The following TESK2 variants were observed in gnomAD, a reference collection of about 807,000 sequenced individuals.
The protein encoded by TESK2 is dual specificity testis-specific protein kinase 2.
A neutral mutation model predicts 57.1 loss-of-function variants in TESK2; 39 were observed. The ratio of observed to expected loss-of-function variants is 0.68; its 90% CI spans 0.53 to 0.89. The LOEUF (loss-of-function observed/expected upper bound fraction) is 0.89, where lower values mean the gene tolerates loss of function less well. Among genes scored for constraint, TESK2 ranks in the 40% least tolerant of loss-of-function variants. TESK2 has a pLI of 0.00. For synonymous variants in TESK2, 249 were observed against 267.9 expected (o/e 0.93, Z 0.69); for missense variants, 646 against 732.1 (o/e 0.88, Z 1.36).
chr1:45,440,324 G>A (rs761987357), intron 2 of TESK2, among the ~76,000 whole-genome samples: 1 of 152,080 alleles, frequency 6.6e-6, no homozygotes, highest in Non-Finnish European at 1.5e-5. Context: ...ACAAAGGAGG[G>A]AATGATCAAT....
intron 3 of TESK2, among the ~76,000 whole-genome samples, chr1:45,417,937 T>C (rs1650314112): frequency 6.6e-6 from 1 of 152,186 alleles, no homozygotes; most frequent in African/African-American, 2.4e-5. Context: ...TACTATACCA[T>C]TTTATTATAT....
chr1:45,345,086 C>T lies in TESK2; in HGVS notation c.1470G>A (p.Lys490=), dbSNP rs1384987846. The part of the protein sequence containing the change: ...DGPPPRLSSL[K]YRVKEIPPFR... Reference sequence around the variant, plus strand: ...ATGGTGGGATCTCTTTAACTCTGTACTTGAGACTACTTAGGCGTGGTGGGG... The same window carrying T: ...ATGGTGGGATCTCTTTAACTCTGTATTTGAGACTACTTAGGCGTGGTGGGG... Residue 490 remains lysine (K), a synonymous_variant, in exon 11 of 11, where the codon AAG becomes AAA. Transcript: ENST00000372086. 11 of 1,614,064 alleles carry T rather than the reference C, an allele frequency of 6.8e-6. No individual in the cohort carries two copies. The highest frequency in any genetic ancestry group is 1.1e-5 in the South Asian group (1 of 91,092).
chr1:45,390,906 C>G (rs1366466288), intron 3 of TESK2, among the ~76,000 whole-genome samples: 6 of 150,724 alleles, frequency 4.0e-5, no homozygotes, highest in African/African-American at 1.5e-4. Flanking sequence ...TTGCACCCAG[C>G]CTCTAGCTAC....
At position 45,474,337 on chromosome 1, in the gene TESK2, A is replaced by T. The variant is rs1452383609; in HGVS notation, c.-86-16466T>A. Reference sequence around the variant, plus strand: ...GAGTGAGATTCGGTCTCAAAAAAAAATTTTCTGGGCCATGCACAGTTGCTC... The same window carrying T: ...GAGTGAGATTCGGTCTCAAAAAAAATTTTTCTGGGCCATGCACAGTTGCTC... On this transcript the variant is annotated intron_variant, in intron 1 of 10. Transcript: ENST00000372086. Among the ~76,000 whole-genome samples, 16 of 151,672 alleles carry T rather than the reference A, an allele frequency of 1.1e-4. No homozygotes were observed. In the East Asian group the frequency reaches 2.7e-3, roughly 26 times the overall value.
In TESK2 at chr1:45,457,686, G is replaced by A. The variant is rs1340332648; in HGVS notation, c.100C>T (p.Gln34Ter). 1 of 1,613,986 alleles carries A rather than the reference G, an allele frequency of 6.2e-7. No homozygotes were observed. Among genetic ancestry groups the A allele is most frequent in the Non-Finnish European group, 8.5e-7 (1 of 1,180,026 alleles). Residue 34 changes from glutamine (Q) to a stop codon, truncating the protein, a stop_gained, in exon 2 of 11, where the codon CAG (glutamine) becomes TAG (stop). Transcript: ENST00000372086. LOFTEE classifies it high-confidence loss of function. ...GGGGGEGNVS[Q>*]VGRVWPSSYR... ...GAAGATGGCCAAACTCTTCCCACCT[G>A]GCTCACATTTCCTTCTCCTCCACCA...
intron 3 of TESK2, among the ~76,000 whole-genome samples, chr1:45,392,290 T>C (rs1028736064): frequency 2.6e-5 from 4 of 152,250 alleles, no homozygotes; most frequent in African/African-American, 9.6e-5. Flanking sequence ...TTCACCATGT[T>C]GGCCAGGCTG....
In TESK2 at chr1:45,399,248, A is replaced by G. The variant is rs1379247163; in HGVS notation, c.345-13288T>C. 1.1e-4 allele frequency among the ~76,000 whole-genome samples: 17 copies of G among 148,496 alleles called. No individual in the cohort carries two copies. The Admixed American group carries it at 1.2e-3, about 10-fold the overall frequency. On this transcript the variant is annotated intron_variant, in intron 3 of 10. Transcript: ENST00000372086. ...ACTGTAGCCTCCACTTCCTGGGCTC[A>G]AGCGATCCTCCCACCTCAGCCTCCC...
chr1:45,422,605 G>A (rs552297737), intron 2 of TESK2, among the ~76,000 whole-genome samples: 13 of 151,344 alleles, frequency 8.6e-5, no homozygotes, highest in Admixed American at 4.0e-4. Flanking sequence ...CAACACACCC[G>A]GCTAATTTTT....
intron 2 of TESK2, among the ~76,000 whole-genome samples, chr1:45,436,035 A>C (rs1651194694): frequency 6.6e-6 from 1 of 151,908 alleles, no homozygotes; most frequent in Admixed American, 6.6e-5. Context: ...ATAGCCTTGT[A>C]ATATATATTG....
intron 2 of TESK2, among the ~76,000 whole-genome samples, chr1:45,429,697 T>C (rs1650870126): frequency 6.6e-6 from 1 of 152,210 alleles, no homozygotes; most frequent in Non-Finnish European, 1.5e-5. Context: ...TAAGTTGTTA[T>C]CTGACTTTCC....
intron 5 of TESK2, among the ~76,000 whole-genome samples, chr1:45,352,547 C>G (rs1442227636): frequency 6.6e-6 from 1 of 152,146 alleles, no homozygotes; most frequent in Non-Finnish European, 1.5e-5. Context: ...CTCGAGGAAG[C>G]CTAGCTACCC....
intron 1 of TESK2, among the ~76,000 whole-genome samples, chr1:45,468,327 C>T (rs1652637600): frequency 6.6e-6 from 1 of 152,042 alleles, no homozygotes; most frequent in Non-Finnish European, 1.5e-5. Context: ...TGTATTAATC[C>T]ATTTTAGAGA....
rs1320481782 is a variant in TESK2 at position 45,347,701 on chromosome 1, G to T, written c.624-8C>A. 1 of 1,614,060 alleles carries T rather than the reference G, an allele frequency of 6.2e-7. No homozygotes were observed. The highest frequency in any genetic ancestry group is 1.3e-5 in the African/African-American group (1 of 75,048). ...AGCTTCTCACTCCCCATGCTGTGGG[G>T]TGAGATTATACAGAAAATGAGCTTG... On this transcript the variant is annotated splice_region_variant and splice_polypyrimidine_tract_variant and intron_variant, in intron 6 of 10. Transcript: ENST00000372086.
intron 4 of TESK2, 128 bp from the exon 5 acceptor site, chr1:45,355,577 C>G: frequency 9.7e-7 from 1 of 1,031,074 alleles, no homozygotes; most frequent in South Asian, 1.8e-5. Context: ...AGGGCTTATT[C>G]TGCCTCCAAG....
intron 2 of TESK2, among the ~76,000 whole-genome samples, chr1:45,433,781 C>G (rs1299106081): frequency 1.3e-5 from 2 of 152,098 alleles, no homozygotes; most frequent in African/African-American, 4.8e-5. Flanking sequence ...ATTGATTTCC[C>G]TTCCTTTGGA....
intron 2 of TESK2, among the ~76,000 whole-genome samples, chr1:45,426,462 G>C (rs1031551193): frequency 3.9e-5 from 6 of 152,146 alleles, no homozygotes; most frequent in Non-Finnish European, 8.8e-5. Context: ...AATCAAAATG[G>C]ATTAAAGATT....
Position 45,394,140 on chromosome 1 carries a change from G to A in TESK2, c.345-8180C>T, listed in dbSNP as rs931928809. On this transcript the variant is annotated intron_variant, in intron 3 of 10. Coordinates refer to ENST00000372086, the MANE Select transcript of TESK2 (RefSeq NM_007170.3). ...TGACATACAGATTCATGTTGAGAAG[G>A]AGGGTTGCTTTTTTTTTTGAGACAA... Among the ~76,000 whole-genome samples the A allele has an allele frequency of 5.3e-5, 8 of 151,912 alleles. 1 individual carries two copies. In the Middle Eastern group the frequency reaches 0.01, roughly 194 times the overall value.
At chr1:45,355,815 G>A (rs1329220495) in intron 4 of TESK2, among the ~76,000 whole-genome samples, 1 of 152,216 alleles carries the variant, frequency 6.6e-6, no homozygotes, top group Non-Finnish European at 1.5e-5. Context: ...CAGGAAAGTA[G>A]CACGAAAGAC....
chr1:45,467,481 G>A (rs533921268), intron 1 of TESK2, among the ~76,000 whole-genome samples: 52 of 151,718 alleles, frequency 3.4e-4, no homozygotes, highest in African/African-American at 1.1e-3. Context: ...AGAGGCACGC[G>A]CCACCACACC....
Sources: allele counts gnomAD v4.1 joint callset (sites outside exome capture counted in the v4.1 genomes callset), GRCh38; gene constraint gnomAD v4.1.1; transcripts MANE v1.5; gene names NCBI Gene and HGNC (gene_info 2026-07-23, HGNC 2026-07-21).